Variants in C17orf99 observed in about 807,000 individuals in gnomAD.
C17orf99 encodes protein IL-40.
Under a neutral mutation model 22.6 loss-of-function variants are expected in C17orf99, and 18 were observed. The observed-to-expected ratio is 0.80, with a 90% CI of 0.55 to 1.18. The LOEUF (loss-of-function observed/expected upper bound fraction) is 1.18. Among genes scored for constraint, C17orf99 ranks in the 50% most tolerant of loss-of-function variants. The pLI is 0.00. For synonymous variants in C17orf99, 147 were observed against 136.6 expected (o/e 1.08, Z -0.53); for missense variants, 328 against 342.7 (o/e 0.96, Z 0.34).
At chr17:78,149,343 A>C (rs2075461079) in intron 2 of C17orf99, among the ~76,000 whole-genome samples, 1 of 133,578 alleles carries the variant, frequency 7.5e-6, no homozygotes, top group Non-Finnish European at 1.6e-5. Context: ...AAAAAAAAAA[A>C]AAAAAAAAAA....
intron 2 of C17orf99, among the ~76,000 whole-genome samples, chr17:78,152,200 A>T (rs1156878159): frequency 1.3e-5 from 2 of 152,118 alleles, no homozygotes; most frequent in Non-Finnish European, 2.9e-5. Context: ...TTATTTTGAG[A>T]CAGGGTCTCG....
At chr17:78,160,176 A>G (rs2075562139) in intron 2 of C17orf99, 10 of 453,054 alleles carry the variant, frequency 2.2e-5, no homozygotes, top group South Asian at 1.6e-4. Flanking sequence ...CTTTACTCTG[A>G]GGTCTACTGG....
intron 2 of C17orf99, among the ~76,000 whole-genome samples, chr17:78,156,773 C>T (rs1156423772): frequency 6.6e-6 from 1 of 152,052 alleles, no homozygotes; most frequent in African/African-American, 2.4e-5. Flanking sequence ...CACCACCACA[C>T]CTGGCTAATT....
At chr17:78,149,988 C>T (rs1039033026) in intron 2 of C17orf99, among the ~76,000 whole-genome samples, 15 of 151,592 alleles carry the variant, frequency 9.9e-5, no homozygotes, top group Admixed American at 2.0e-4. Context: ...GGATTACAGG[C>T]GAGAGCCACC....
intron 3 of C17orf99, 94 bp from the exon 4 acceptor site, chr17:78,164,001 C>T: frequency 8.8e-7 from 1 of 1,133,752 alleles, no homozygotes; most frequent in Non-Finnish European, 1.3e-6. Context: ...CACAGCTAAG[C>T]TCATTAGGCA....
intron 2 of C17orf99, among the ~76,000 whole-genome samples, chr17:78,153,706 A>G (rs1427315346): frequency 6.6e-6 from 1 of 152,002 alleles, no homozygotes; most frequent in Non-Finnish European, 1.5e-5. Flanking sequence ...CCACTTCCCC[A>G]CGTGAGGCAG....
In C17orf99 at chr17:78,158,077, CT is replaced by C. The variant is rs2075542554; in HGVS notation, c.71-2875del. On this transcript the variant is annotated intron_variant, in intron 2 of 4. Coordinates refer to ENST00000340363, the MANE Select transcript of C17orf99 (RefSeq NM_001163075.2). ...AGGACAGCATGGAGGTGCGAGAGGA[CT>C]TTCGTCTGCATGAGGGAGACCTTGG... is the stretch of plus-strand genomic sequence containing the variant. 1.7e-5 allele frequency: 19 copies of C among 1,113,716 alleles called. No individual in the cohort carries two copies. The South Asian group carries it at 2.3e-4, about 14-fold the overall frequency. 69.0% of individuals were successfully genotyped at this position (1,113,716 alleles called of 1,614,324 possible).
chr17:78,164,745 C>T (rs2075605344), intron 4 of C17orf99: 5 of 1,310,304 alleles, frequency 3.8e-6, no homozygotes, highest in Non-Finnish European at 4.9e-6. Flanking sequence ...CTGCAGAGCT[C>T]AGGTGGTGGG....
chr17:78,153,230 TC>T (rs2145778338), intron 2 of C17orf99, among the ~76,000 whole-genome samples: 1 of 152,102 alleles, frequency 6.6e-6, no homozygotes, highest in African/African-American at 2.4e-5. Context: ...CACCCTGTAA[TC>T]CCGGCACTCT....
intron 4 of C17orf99, chr17:78,164,808 C>T (rs1340758467): frequency 3.2e-6 from 4 of 1,236,282 alleles, no homozygotes; most frequent in Non-Finnish European, 4.1e-6. Context: ...ACCGCTTACG[C>T]ATGACTCGAA....
intron 4 of C17orf99, chr17:78,164,595 C>T: frequency 6.6e-7 from 1 of 1,524,868 alleles, no homozygotes; most frequent in Non-Finnish European, 8.8e-7. Flanking sequence ...CACCATCGTG[C>T]TGGTTGGCAG....
At chr17:78,152,486 C>T (rs1446661605) in intron 2 of C17orf99, among the ~76,000 whole-genome samples, 1 of 152,084 alleles carries the variant, frequency 6.6e-6, no homozygotes, top group African/African-American at 2.4e-5. Context: ...AGGCACATGC[C>T]ACCATGCCCA....
intron 2 of C17orf99, among the ~76,000 whole-genome samples, chr17:78,153,638 C>G (rs2075502460): frequency 6.6e-6 from 1 of 152,088 alleles, no homozygotes; most frequent in African/African-American, 2.4e-5. Flanking sequence ...AAGTCAAGAT[C>G]GTTTCCCTTC....
At chr17:78,160,309 G>A (rs549109049) in intron 2 of C17orf99, among the ~76,000 whole-genome samples, 3 of 152,164 alleles carry the variant, frequency 2.0e-5, no homozygotes, top group South Asian at 2.1e-4. Flanking sequence ...AGGCCAAGGC[G>A]GGTGGATCAC....
At chr17:78,152,335 A>ATT (rs370243424) in intron 2 of C17orf99, among the ~76,000 whole-genome samples, 19 of 118,306 alleles carry the variant, frequency 1.6e-4, no homozygotes, top group Middle Eastern at 4.3e-3. Context: ...TGCCTGCTTA[A>ATT]TTTTTTTTTT....
chr17:78,153,052 G>T (rs1461490054), intron 2 of C17orf99, among the ~76,000 whole-genome samples: 3 of 151,292 alleles, frequency 2.0e-5, no homozygotes, highest in Admixed American at 6.6e-5. Flanking sequence ...CTGCACTCAG[G>T]CCTGGGAGAC....
At chr17:78,162,946 G>A (rs1379109067) in intron 3 of C17orf99, among the ~76,000 whole-genome samples, 3 of 152,016 alleles carry the variant, frequency 2.0e-5, no homozygotes, top group Non-Finnish European at 2.9e-5. Context: ...CCCCCATGCC[G>A]GCTAATTTTT....
Position 78,165,906 on chromosome 17 carries a change from G to A in C17orf99, c.658G>A (p.Glu220Lys). Reference protein sequence around the residue: ...VVPPGGDQKMEDWQGPLESPI... With the variant: ...VVPPGGDQKMKDWQGPLESPI... The stretch of plus-strand genomic sequence containing the variant: ...TTGTCAAGGTGGTGACCAGAAGATG[G>A]AGGACTGGCAGGGTCCCCTGGAGAG... The change falls in exon 5 of 5, where the codon GAG becomes AAG. Residue 220 changes from glutamate to lysine, a missense_variant. Transcript: ENST00000340363. The A allele has an allele frequency of 7.3e-7, 1 of 1,366,696 alleles. No individual in the cohort carries two copies. Among genetic ancestry groups the A allele is most frequent in the Non-Finnish European group, 9.6e-7 (1 of 1,042,998 alleles). The allele number at this position is 1,366,696 out of a possible 1,614,324, so 84.7% of individuals were successfully genotyped here. A position where few individuals can be genotyped will look rare whatever the true frequency, so the allele number is the denominator to read the frequency against.
Position 78,161,043 on chromosome 17 carries a change from G to C in C17orf99, c.159G>C (p.Gln53His), listed in dbSNP as rs2075571547. The change falls in exon 3 of 5, where the codon CAG (glutamine) becomes CAC (histidine). Residue 53 changes from glutamine to histidine, a missense_variant. Transcript: ENST00000340363. ...TGCTCATAACCTGCTGTGCACCCCA[G>C]CCACCACCGCCCATCACCTATTCCC... ...RWVLITCCAPQPPPPITYSLC... is the reference protein window; with the variant it reads ...RWVLITCCAPHPPPPITYSLC... 3.9e-6 allele frequency: 6 copies of C among 1,551,630 alleles called. No homozygotes were observed. Among genetic ancestry groups the C allele is most frequent in the Non-Finnish European group, 5.2e-6 (6 of 1,146,964 alleles).
Sources: allele counts gnomAD v4.1 joint callset (sites outside exome capture counted in the v4.1 genomes callset), GRCh38; gene constraint gnomAD v4.1.1; transcripts MANE v1.5; gene names NCBI Gene and HGNC (gene_info 2026-07-23, HGNC 2026-07-21).